Variants in B3GALT1 observed in about 807,000 individuals in gnomAD.
B3GALT1 encodes the protein beta-1,3-galactosyltransferase 1.
In B3GALT1, 10 loss-of-function variants were observed where a neutral mutation model predicts 23.2. The ratio of observed to expected loss-of-function variants is 0.43; its 90% CI spans 0.27 to 0.73. The LOEUF is 0.73. Among genes scored for constraint, B3GALT1 ranks in the 30% least tolerant of loss-of-function variants. The pLI is 0.21. For missense variants in B3GALT1, 299 were observed against 405.4 expected, an observed-to-expected ratio of 0.74 and a Z score of 2.25; for synonymous variants, 156 against 141.5, an observed-to-expected ratio of 1.10 and a Z score of -0.73.
chr2:167,636,002 A>G (rs1685546494), intron 2 of B3GALT1, among the ~76,000 whole-genome samples: 1 of 152,238 alleles, frequency 6.6e-6, no homozygotes, highest in African/African-American at 2.4e-5. Context: ...GATGTAGACC[A>G]ATGGAACAGA....
At chr2:167,867,134 G>A (rs191385403) in intron 4 of B3GALT1, among the ~76,000 whole-genome samples, 16 of 152,090 alleles carry the variant, frequency 1.1e-4, no homozygotes, top group Non-Finnish European at 2.2e-4. Flanking sequence ...CACCGTTTTA[G>A]CCAGGATGGT....
intron 1 of B3GALT1, among the ~76,000 whole-genome samples, chr2:167,402,450 A>G (rs1370642336): frequency 6.6e-6 from 1 of 152,166 alleles, no homozygotes; most frequent in African/African-American, 2.4e-5. Context: ...ACTCTCTGAT[A>G]GAATAGCTAA....
intron 1 of B3GALT1, among the ~76,000 whole-genome samples, chr2:167,341,973 G>C (rs549769062): frequency 5.2e-4 from 79 of 152,170 alleles, no homozygotes; most frequent in Non-Finnish European, 5.4e-4. Context: ...GACATTACTT[G>C]CCTGGCCGGA....
chr2:167,608,355 G>A (rs906400302), intron 2 of B3GALT1, among the ~76,000 whole-genome samples: 9 of 152,096 alleles, frequency 5.9e-5, no homozygotes, highest in Non-Finnish European at 7.4e-5. Context: ...CGTATTTGGC[G>A]TATAGCATAA....
At chr2:167,772,515 C>G (rs1688090271) in intron 3 of B3GALT1, among the ~76,000 whole-genome samples, 1 of 152,196 alleles carries the variant, frequency 6.6e-6, no homozygotes, top group Admixed American at 6.5e-5. Flanking sequence ...AGCCACTGTT[C>G]ATAACTGCTA....
At chr2:167,394,396 A>G (rs1269744966) in intron 1 of B3GALT1, among the ~76,000 whole-genome samples, 3 of 152,154 alleles carry the variant, frequency 2.0e-5, no homozygotes, top group Non-Finnish European at 4.4e-5. Context: ...GTCCTAACCA[A>G]ATTTCCACTA....
intron 1 of B3GALT1, among the ~76,000 whole-genome samples, chr2:167,315,481 C>G (rs1004184353): frequency 1.3e-5 from 2 of 152,056 alleles, no homozygotes; most frequent in African/African-American, 2.4e-5. Context: ...TTATTATCCT[C>G]CACTTGATAA....
chr2:167,526,856 T>C (rs1683228246), intron 2 of B3GALT1, among the ~76,000 whole-genome samples: 1 of 152,206 alleles, frequency 6.6e-6, no homozygotes, highest in African/African-American at 2.4e-5. Context: ...CATATATTTC[T>C]ACTACCTACA....
chr2:167,569,486 A>C (rs372632404), intron 2 of B3GALT1, among the ~76,000 whole-genome samples: 1 of 151,852 alleles, frequency 6.6e-6, no homozygotes, highest in East Asian at 1.9e-4. Context: ...TTTAATTCTA[A>C]ATTCCACTTG....
chr2:167,743,301 A>G (rs1687603425), intron 3 of B3GALT1, among the ~76,000 whole-genome samples: 2 of 152,132 alleles, frequency 1.3e-5, no homozygotes, highest in African/African-American at 2.4e-5. Context: ...ATTTTACAAA[A>G]TAGTAACCAA....
intron 2 of B3GALT1, among the ~76,000 whole-genome samples, chr2:167,580,241 T>C (rs1684459401): frequency 6.6e-6 from 1 of 152,164 alleles, no homozygotes; most frequent in South Asian, 2.1e-4. Flanking sequence ...TGATAAAATT[T>C]AAACAAAAAT....
At chr2:167,300,246 T>A (rs1315119640) in intron 1 of B3GALT1, among the ~76,000 whole-genome samples, 1 of 152,214 alleles carries the variant, frequency 6.6e-6, no homozygotes, top group Non-Finnish European at 1.5e-5. Context: ...ATTTCAATGC[T>A]GCCTGAAAAT....
intron 3 of B3GALT1, among the ~76,000 whole-genome samples, chr2:167,657,041 A>G (rs935847800): frequency 2.0e-5 from 3 of 152,022 alleles, no homozygotes; most frequent in Non-Finnish European, 4.4e-5. Context: ...ATGATAGGGG[A>G]AAAAAATGGT....
chr2:167,821,506 C>T (rs1222684855), intron 4 of B3GALT1, among the ~76,000 whole-genome samples: 1 of 142,428 alleles, frequency 7.0e-6, no homozygotes, highest in Non-Finnish European at 1.5e-5. Flanking sequence ...GTGATCTCTG[C>T]TTACTGCAAC....
At chr2:167,627,887 A>G (rs1466142122) in intron 2 of B3GALT1, among the ~76,000 whole-genome samples, 1 of 151,608 alleles carries the variant, frequency 6.6e-6, no homozygotes. Flanking sequence ...TGAATATATG[A>G]CACATGCTAA....
chr2:167,730,718 A>G (rs758833158), intron 3 of B3GALT1, among the ~76,000 whole-genome samples: 33 of 152,218 alleles, frequency 2.2e-4, no homozygotes, highest in Non-Finnish European at 3.8e-4. Flanking sequence ...ATTATTTAGC[A>G]GGAAACTGAA....
intron 1 of B3GALT1, among the ~76,000 whole-genome samples, chr2:167,468,140 GACT>G (rs1255061015): frequency 7.2e-5 from 11 of 152,054 alleles, no homozygotes. Context: ...AAATTCTATG[GACT>G]ACTAATGTGC....
chr2:167,516,729 T>C (rs1221288842), intron 2 of B3GALT1, among the ~76,000 whole-genome samples: 1 of 152,056 alleles, frequency 6.6e-6, no homozygotes, highest in Non-Finnish European at 1.5e-5. Context: ...GTTGCTGTTT[T>C]GTTGTTGTTG....
chr2:167,649,090 G>T (rs1285614462), intron 3 of B3GALT1, among the ~76,000 whole-genome samples: 1 of 152,054 alleles, frequency 6.6e-6, no homozygotes, highest in Admixed American at 6.6e-5. Flanking sequence ...CTGTAGAAAA[G>T]ATTTTTGTTT....
Sources: gnomAD v4.1 joint callset for allele counts (sites outside exome capture counted in the v4.1 genomes callset) on GRCh38, gnomAD v4.1.1 for gene constraint, MANE v1.5 for transcripts, NCBI Gene and HGNC (gene_info 2026-07-23, HGNC 2026-07-21) for gene names.